Variants in DPP8 observed in about 807,000 individuals in gnomAD.
DPP8 encodes DPP VIII.
In DPP8, 31 loss-of-function variants were observed where a neutral mutation model predicts 107.5. That is an observed-to-expected ratio of 0.29 (90% CI 0.22 to 0.39). DPP8 has a LOEUF of 0.39. DPP8 is among the 10% of genes least tolerant of loss of function. The pLI is 1.00. For synonymous variants in DPP8, 381 were observed against 356.6 expected, an observed-to-expected ratio of 1.07 and a Z score of -0.77; for missense variants, 842 against 1,076.1, an observed-to-expected ratio of 0.78 and a Z score of 3.04.
chr15:65,475,495 G>C, intron 11 of DPP8: 1 of 1,492,928 alleles, frequency 6.7e-7, no homozygotes, highest in Non-Finnish European at 9.3e-7. Flanking sequence ...CTCCCACATA[G>C]GCCATCACAT....
chr15:65,451,929 T>TAA (rs377663509), intron 18 of DPP8, 31 bp downstream of exon 18: 20,537 of 1,426,846 alleles, frequency 0.014, 23 homozygotes, highest in Non-Finnish European at 0.017. Flanking sequence ...TGTCTCAATT[T>TAA]AAAAAAAAAA....
intron 8 of DPP8, among the ~76,000 whole-genome samples, chr15:65,483,602 A>C (rs558561779): frequency 1.1e-3 from 167 of 147,590 alleles, no homozygotes; most frequent in African/African-American, 4.0e-3. Context: ...AATAAAATAA[A>C]ATAAAATAAA....
intron 15 of DPP8, among the ~76,000 whole-genome samples, chr15:65,460,146 C>T (rs907249440): frequency 6.6e-6 from 1 of 151,986 alleles, no homozygotes; most frequent in African/African-American, 2.4e-5. Flanking sequence ...ATTCTGTACC[C>T]ATTAATAACT....
intron 16 of DPP8, among the ~76,000 whole-genome samples, chr15:65,454,744 C>T (rs1324696422): frequency 6.6e-6 from 1 of 152,140 alleles, no homozygotes; most frequent in Non-Finnish European, 1.5e-5. Flanking sequence ...AGGCTAGTCT[C>T]GAACTCCTGA....
At position 65,466,707 on chromosome 15, in the gene DPP8, T is replaced by C; in HGVS notation, c.1796A>G (p.Glu599Gly). ...PEDDPTCKTK[E>G]FWATILDSAG... ...TGAATCCAAAATGGTGGCCCAAAAT[T>C]CCTTTGTTTTGCAAGTTGGGTCATC... Residue 599 changes from glutamate to glycine, a missense_variant, in exon 14 of 20, where the codon GAA becomes GGA. Transcript: ENST00000300141. 1.9e-6 allele frequency: 3 copies of C among 1,614,094 alleles called. No individual in the cohort carries two copies. The East Asian group carries it at 6.7e-5, about 36-fold the overall frequency.
chr15:65,467,774 T>G (rs1231569359), intron 12 of DPP8, among the ~76,000 whole-genome samples: 1 of 152,192 alleles, frequency 6.6e-6, no homozygotes, highest in African/African-American at 2.4e-5. Flanking sequence ...GAATGTGTGT[T>G]TTTCTTAAAA....
chr15:65,485,810 T>C (rs951887634), intron 7 of DPP8, among the ~76,000 whole-genome samples: 3 of 151,646 alleles, frequency 2.0e-5, no homozygotes, highest in Non-Finnish European at 4.4e-5. Flanking sequence ...ATACAAAAAT[T>C]AGGCAGGGTG....
At position 65,452,336 on chromosome 15, in the gene DPP8, C is replaced by T. The variant is rs76026386; in HGVS notation, c.2272-234G>A. On this transcript the variant is annotated intron_variant, in intron 17 of 19. Transcript: ENST00000300141. ...GGCATTCTACATACCAAACCTTTAA[C>T]CTGGGCTAGCTGAAATATGAAAGCC... 3.3e-5 allele frequency among the ~76,000 whole-genome samples: 5 copies of T among 152,192 alleles called. No homozygotes were observed. The East Asian group carries it at 9.6e-4, about 29-fold the overall frequency.
intron 8 of DPP8, among the ~76,000 whole-genome samples, chr15:65,482,851 C>CT (rs202215037): frequency 1.3e-5 from 2 of 151,988 alleles, no homozygotes; most frequent in Non-Finnish European, 2.9e-5. Flanking sequence ...AATCCCAGCA[C>CT]TTTGAGAGGC....
At chr15:65,465,167 CTT>C (rs199937501) in intron 14 of DPP8, among the ~76,000 whole-genome samples, 28 of 127,694 alleles carry the variant, frequency 2.2e-4, no homozygotes, top group African/African-American at 3.6e-4. Context: ...TTTGTTTTTT[CTT>C]TTTTTTTTTT....
intron 14 of DPP8, among the ~76,000 whole-genome samples, chr15:65,464,934 G>A (rs372201333): frequency 2.6e-5 from 4 of 152,146 alleles, no homozygotes; most frequent in East Asian, 3.9e-4. Flanking sequence ...TTTCAGGGTA[G>A]GTGACCAAAA....
At chr15:65,453,179 C>G (rs1188325466) in intron 17 of DPP8, among the ~76,000 whole-genome samples, 1 of 152,074 alleles carries the variant, frequency 6.6e-6, no homozygotes, top group Non-Finnish European at 1.5e-5. Context: ...TCATTCAACA[C>G]ATTTATTGAG....
At chr15:65,476,845 G>A (rs966126993) in intron 11 of DPP8, among the ~76,000 whole-genome samples, 5 of 152,034 alleles carry the variant, frequency 3.3e-5, no homozygotes, top group African/African-American at 7.2e-5. Flanking sequence ...TACATACAAC[G>A]AAACCTTACT....
chr15:65,477,846 T>C (rs2066541596), intron 11 of DPP8, among the ~76,000 whole-genome samples: 1 of 152,082 alleles, frequency 6.6e-6, no homozygotes. Flanking sequence ...TCCACAATTA[T>C]TAAAAAGGAC....
intron 4 of DPP8, 54 bp from the exon 5 acceptor site, chr15:65,498,086 C>G: frequency 7.9e-7 from 1 of 1,267,862 alleles, no homozygotes; most frequent in Non-Finnish European, 1.1e-6. Flanking sequence ...CATACATGTT[C>G]CAGCACCCTT....
chr15:65,489,830 G>A (rs991397225), intron 6 of DPP8, among the ~76,000 whole-genome samples: 3 of 152,114 alleles, frequency 2.0e-5, no homozygotes, highest in African/African-American at 7.2e-5. Context: ...CGATTCTCCT[G>A]CTTCAGCCTC....
At chr15:65,471,119 A>G (rs1314326192) in intron 12 of DPP8, among the ~76,000 whole-genome samples, 1 of 152,192 alleles carries the variant, frequency 6.6e-6, no homozygotes, top group African/African-American at 2.4e-5. Flanking sequence ...TTCAATCATC[A>G]CATAGCACGA....
At chr15:65,468,825 C>T (rs968249836) in intron 12 of DPP8, among the ~76,000 whole-genome samples, 1 of 152,138 alleles carries the variant, frequency 6.6e-6, no homozygotes, top group Non-Finnish European at 1.5e-5. Context: ...CAGTCAATTC[C>T]TCACCACCAT....
chr15:65,508,921 A>G (rs2070411390), intron 2 of DPP8, among the ~76,000 whole-genome samples: 1 of 152,188 alleles, frequency 6.6e-6, no homozygotes, highest in Admixed American at 6.5e-5. Flanking sequence ...AATCACACAA[A>G]AATAACAAGA....
Sources: allele counts gnomAD v4.1 joint callset (sites outside exome capture counted in the v4.1 genomes callset), GRCh38; gene constraint gnomAD v4.1.1; transcripts MANE v1.5; gene names NCBI Gene and HGNC (gene_info 2026-07-23, HGNC 2026-07-21).